Variants in CAPZB observed in about 807,000 individuals in gnomAD.
CAPZB encodes the protein F-actin-capping protein subunit beta.
Under a neutral mutation model 38.1 loss-of-function variants are expected in CAPZB, and 2 were observed. The observed-to-expected ratio is 0.05, with a 90% CI of 0.02 to 0.17. CAPZB has a LOEUF of 0.17. Among genes scored for constraint, CAPZB ranks in the 10% least tolerant of loss-of-function variants. CAPZB has a pLI of 1.00. For missense variants in CAPZB, 161 were observed against 334.2 expected (o/e 0.48, Z 4.04); for synonymous variants, 107 against 127.4 (o/e 0.84, Z 1.08).
intron 4 of CAPZB, among the ~76,000 whole-genome samples, chr1:19,359,745 C>G (rs1372154338): frequency 6.6e-6 from 1 of 152,206 alleles, no homozygotes; most frequent in Non-Finnish European, 1.5e-5. Flanking sequence ...AGGTGCAGCA[C>G]AGGCATCCTT....
chr1:19,361,101 T>C (rs2094050212), intron 4 of CAPZB, among the ~76,000 whole-genome samples: 1 of 152,220 alleles, frequency 6.6e-6, no homozygotes, highest in Non-Finnish European at 1.5e-5. Context: ...CATTTTTCCA[T>C]GGAGCCGCAT....
At chr1:19,421,650 G>C (rs9887876) in intron 1 of CAPZB, among the ~76,000 whole-genome samples, 1 of 152,310 alleles carries the variant, frequency 6.6e-6, no homozygotes, top group Non-Finnish European at 1.5e-5. Flanking sequence ...TTAACACCAC[G>C]TCTTGGGCAG....
At chr1:19,385,882 G>A (rs1343140280) in intron 2 of CAPZB, 6 of 581,740 alleles carry the variant, frequency 1.0e-5, no homozygotes, top group South Asian at 8.3e-5. Flanking sequence ...ACTGTGTGCA[G>A]CTTTAATTAC....
intron 4 of CAPZB, among the ~76,000 whole-genome samples, chr1:19,375,849 C>T (rs1197255501): frequency 6.6e-6 from 1 of 152,236 alleles, no homozygotes; most frequent in East Asian, 1.9e-4. Context: ...AATGGAATAA[C>T]TCCCACTTGT....
chr1:19,352,081 C>A (rs1238046235), intron 6 of CAPZB, among the ~76,000 whole-genome samples: 1 of 152,236 alleles, frequency 6.6e-6, no homozygotes. Flanking sequence ...GCCTCCCCAG[C>A]GAGCGTGCAC....
chr1:19,408,815 A>C (rs1319045586), intron 2 of CAPZB, among the ~76,000 whole-genome samples: 1 of 152,252 alleles, frequency 6.6e-6, no homozygotes, highest in Non-Finnish European at 1.5e-5. Context: ...GACTTCCAGT[A>C]AGATTTGCCA....
rs560321369 is a variant in CAPZB at position 19,467,223 on chromosome 1, C to T, written c.3+18213G>A. 1.5e-4 allele frequency among the ~76,000 whole-genome samples: 23 copies of T among 152,096 alleles called. 1 individual carries two copies. Among genetic ancestry groups the T allele is most frequent in the Non-Finnish European group, 3.1e-4 (21 of 68,030 alleles). On this transcript the variant is annotated intron_variant, in intron 1 of 8. Transcript: ENST00000264202. ...CTCAAGCCAATTTTAAGGAAAGCCT[C>T]AAATAAATAATAATAAAAGTAGCAT...
At chr1:19,475,687 C>T (rs1246743687) in intron 1 of CAPZB, among the ~76,000 whole-genome samples, 1 of 152,216 alleles carries the variant, frequency 6.6e-6, no homozygotes, top group African/African-American at 2.4e-5. Flanking sequence ...GCTAGTCTCA[C>T]AGTGGAATTG....
At chr1:19,411,895 T>A (rs527351143) in intron 2 of CAPZB, among the ~76,000 whole-genome samples, 1 of 152,098 alleles carries the variant, frequency 6.6e-6, no homozygotes. Context: ...GGTCCTCAGG[T>A]TGATAACAGG....
chr1:19,353,530 C>A (rs1006208169), intron 6 of CAPZB, among the ~76,000 whole-genome samples: 6 of 152,126 alleles, frequency 3.9e-5, no homozygotes, highest in African/African-American at 1.2e-4. Flanking sequence ...AGCTTCTTCA[C>A]TGACCTCTCT....
chr1:19,370,808 G>A (rs1467489857), intron 4 of CAPZB, among the ~76,000 whole-genome samples: 2 of 152,044 alleles, frequency 1.3e-5, no homozygotes, highest in Non-Finnish European at 2.9e-5. Flanking sequence ...CCCTGTAACC[G>A]ACCCACAGTT....
At chr1:19,423,880 C>T (rs750718837) in intron 1 of CAPZB, among the ~76,000 whole-genome samples, 2 of 152,106 alleles carry the variant, frequency 1.3e-5, no homozygotes, top group African/African-American at 4.8e-5. Context: ...TTTCACCATG[C>T]TGCCCAGGAT....
At chr1:19,341,717 A>G (rs928058136) in intron 8 of CAPZB, among the ~76,000 whole-genome samples, 7 of 152,338 alleles carry the variant, frequency 4.6e-5, no homozygotes, top group African/African-American at 9.6e-5. Context: ...TTTTTTCTCA[A>G]TGCCATGATG....
At chr1:19,396,402 C>T (rs113795755) in intron 2 of CAPZB, among the ~76,000 whole-genome samples, 3,013 of 152,244 alleles carry the variant, frequency 0.02, 95 homozygotes, top group African/African-American at 0.068. Context: ...GGAGACAGAC[C>T]GAAACTTGAC....
intron 1 of CAPZB, among the ~76,000 whole-genome samples, chr1:19,422,105 T>C (rs959267603): frequency 6.6e-6 from 1 of 152,034 alleles, no homozygotes; most frequent in African/African-American, 2.4e-5. Flanking sequence ...CGTTAAAAGG[T>C]ATAAACTAGT....
chr1:19,395,155 G>A (rs1254252265), intron 2 of CAPZB, among the ~76,000 whole-genome samples: 1 of 152,314 alleles, frequency 6.6e-6, no homozygotes, highest in South Asian at 2.1e-4. Flanking sequence ...CCCTTCGAGG[G>A]TGCAGCAGCA....
chr1:19,401,089 C>T lies in CAPZB; in HGVS notation c.94-15463G>A, dbSNP rs189963068. 1.7e-3 allele frequency among the ~76,000 whole-genome samples: 254 copies of T among 152,162 alleles called. 1 individual carries two copies. The highest frequency in any genetic ancestry group is 5.8e-3 in the African/African-American group (239 of 41,510). On this transcript the variant is annotated intron_variant, in intron 2 of 8. Coordinates refer to ENST00000264202, the MANE Select transcript of CAPZB (RefSeq NM_004930.5). Reference sequence around the variant, plus strand: ...GGACACCAGGGGCATCCCTTGCCAGCTTCCAATGCCATGGTGAGAGACACT... The same window carrying T: ...GGACACCAGGGGCATCCCTTGCCAGTTTCCAATGCCATGGTGAGAGACACT...
intron 1 of CAPZB, among the ~76,000 whole-genome samples, chr1:19,458,680 A>G (rs1330716717): frequency 6.6e-6 from 1 of 152,220 alleles, no homozygotes; most frequent in Non-Finnish European, 1.5e-5. Flanking sequence ...ATAACTTTAG[A>G]TGTTCACAGT....
intron 1 of CAPZB, among the ~76,000 whole-genome samples, chr1:19,472,283 T>C (rs1329573415): frequency 6.6e-6 from 1 of 152,180 alleles, no homozygotes; most frequent in Non-Finnish European, 1.5e-5. Context: ...AAGGCAGATG[T>C]TGCCATCTAC....
Sources: allele counts gnomAD v4.1 joint callset (sites outside exome capture counted in the v4.1 genomes callset), GRCh38; gene constraint gnomAD v4.1.1; transcripts MANE v1.5; gene names NCBI Gene and HGNC (gene_info 2026-07-23, HGNC 2026-07-21).